Variants in TMEM131 observed in about 807,000 individuals in gnomAD.
TMEM131 encodes transmembrane protein 131, also known as 2610524E03Rik.
TMEM131 carries 66 observed loss-of-function variants against 211.6 expected under a neutral mutation model. The observed-to-expected ratio is 0.31, with a 90% CI of 0.26 to 0.38. TMEM131 has a LOEUF of 0.38. Ranked by LOEUF, TMEM131 falls within the 10% of genes least tolerant of loss-of-function variation. The probability of loss-of-function intolerance (pLI) is 1.00; values close to 1 mark genes in which losing one functional copy is unlikely to be tolerated. For missense variants in TMEM131, 2,036 were observed against 2,299.3 expected (o/e 0.89, Z 2.34); for synonymous variants, 844 against 841.3 (o/e 1.00, Z -0.06).
At chr2:97,900,724 T>C (rs951786596) in intron 3 of TMEM131, among the ~76,000 whole-genome samples, 2 of 152,146 alleles carry the variant, frequency 1.3e-5, no homozygotes, top group Non-Finnish European at 2.9e-5. Flanking sequence ...CTCTTGTATA[T>C]ATACCTAGTT....
intron 25 of TMEM131, among the ~76,000 whole-genome samples, chr2:97,800,203 A>AT (rs1680962569): frequency 6.6e-6 from 1 of 152,164 alleles, no homozygotes; most frequent in Non-Finnish European, 1.5e-5. Flanking sequence ...GAGACCAAGT[A>AT]TTTTGAGAAC....
intron 3 of TMEM131, among the ~76,000 whole-genome samples, chr2:97,897,089 G>A (rs372954124): frequency 4.6e-5 from 7 of 152,124 alleles, no homozygotes; most frequent in African/African-American, 1.7e-4. Flanking sequence ...TTATGCCATT[G>A]TAAATCACAT....
chr2:97,915,366 G>A (rs1171282655), intron 2 of TMEM131, among the ~76,000 whole-genome samples: 1 of 152,154 alleles, frequency 6.6e-6, no homozygotes, highest in African/African-American at 2.4e-5. Context: ...TGTTGCCCAG[G>A]CTGGAGTGCA....
chr2:97,965,503 C>CA (rs1679018974), intron 1 of TMEM131, among the ~76,000 whole-genome samples: 1 of 152,110 alleles, frequency 6.6e-6, no homozygotes, highest in African/African-American at 2.4e-5. Flanking sequence ...CTGGTTTCTC[C>CA]AACATTTTTA....
At chr2:97,898,677 T>C (rs759010046) in intron 3 of TMEM131, among the ~76,000 whole-genome samples, 8 of 152,188 alleles carry the variant, frequency 5.3e-5, no homozygotes, top group African/African-American at 1.7e-4. Context: ...TAAATGTCTA[T>C]TGTTTAAGCC....
intron 12 of TMEM131, among the ~76,000 whole-genome samples, chr2:97,818,324 G>C (rs1437430045): frequency 6.6e-6 from 1 of 151,862 alleles, no homozygotes; most frequent in African/African-American, 2.4e-5. Context: ...GTGTAAAAAG[G>C]CTAGCCCAGA....
intron 4 of TMEM131, among the ~76,000 whole-genome samples, chr2:97,875,595 G>A (rs1250024088): frequency 6.6e-6 from 1 of 152,172 alleles, no homozygotes; most frequent in African/African-American, 2.4e-5. Context: ...CATGGAAGTT[G>A]AACAACCTGC....
At chr2:97,925,195 A>C (rs1403955554) in intron 2 of TMEM131, among the ~76,000 whole-genome samples, 1 of 152,160 alleles carries the variant, frequency 6.6e-6, no homozygotes, top group Non-Finnish European at 1.5e-5. Context: ...TTTTAAAAAG[A>C]AAGTTAGATT....
intron 5 of TMEM131, among the ~76,000 whole-genome samples, chr2:97,856,746 T>C (rs1573467006): frequency 6.6e-6 from 1 of 152,182 alleles, no homozygotes; most frequent in African/African-American, 2.4e-5. Context: ...AGGTTATTTC[T>C]TCCCCCAAGA....
chr2:97,826,809 T>C (rs1682409399), intron 11 of TMEM131, among the ~76,000 whole-genome samples: 1 of 152,224 alleles, frequency 6.6e-6, no homozygotes, highest in Non-Finnish European at 1.5e-5. Flanking sequence ...TCTGTAACCC[T>C]ATAACACTCC....
intron 17 of TMEM131, among the ~76,000 whole-genome samples, chr2:97,811,501 C>T (rs1681546103): frequency 6.6e-6 from 1 of 152,172 alleles, no homozygotes; most frequent in African/African-American, 2.4e-5. Context: ...GCTCCTCACT[C>T]TTTACCCATG....
At chr2:97,810,856 G>A (rs551374433) in intron 18 of TMEM131, among the ~76,000 whole-genome samples, 14 of 152,292 alleles carry the variant, frequency 9.2e-5, no homozygotes, top group Non-Finnish European at 1.3e-4. Context: ...ATAACCATCT[G>A]TTTAAGCAGG....
At chr2:97,890,211 A>C (rs767461997) in intron 3 of TMEM131, among the ~76,000 whole-genome samples, 2 of 152,192 alleles carry the variant, frequency 1.3e-5, no homozygotes, top group African/African-American at 2.4e-5. Flanking sequence ...ATGATCTGAC[A>C]CATATCATAA....
At chr2:97,898,045 T>C (rs1004344745) in intron 3 of TMEM131, among the ~76,000 whole-genome samples, 1 of 152,174 alleles carries the variant, frequency 6.6e-6, no homozygotes, top group African/African-American at 2.4e-5. Flanking sequence ...AGATCTGTAG[T>C]GATATCCCCT....
At chr2:97,905,527 T>C (rs1676032951) in intron 3 of TMEM131, among the ~76,000 whole-genome samples, 1 of 152,198 alleles carries the variant, frequency 6.6e-6, no homozygotes, top group Admixed American at 6.5e-5. Flanking sequence ...GCTACTACTG[T>C]ACCAGAGGTC....
chr2:97,946,787 G>T (rs1678063526), intron 1 of TMEM131, among the ~76,000 whole-genome samples: 1 of 151,778 alleles, frequency 6.6e-6, no homozygotes, highest in African/African-American at 2.4e-5. Context: ...AAAAACTACA[G>T]ACCAATTTCA....
At chr2:97,928,569 T>A (rs1252129279) in intron 1 of TMEM131, among the ~76,000 whole-genome samples, 1 of 151,808 alleles carries the variant, frequency 6.6e-6, no homozygotes, top group Non-Finnish European at 1.5e-5. Flanking sequence ...TGAATCAACC[T>A]TACTGAAGTG....
At chr2:97,779,699 GACAGTAATAATGTATGGTC>G (rs1230523179) in intron 31 of TMEM131, among the ~76,000 whole-genome samples, 1 of 152,212 alleles carries the variant, frequency 6.6e-6, no homozygotes, top group African/African-American at 2.4e-5. Flanking sequence ...ACCTCCAGGT[GACAGTAATAATGTATGGTC>G]AATTTAGGAA....
At chr2:97,958,650 G>C (rs1008157413) in intron 1 of TMEM131, among the ~76,000 whole-genome samples, 4 of 152,164 alleles carry the variant, frequency 2.6e-5, no homozygotes, top group African/African-American at 9.7e-5. Context: ...GTTACGCCTA[G>C]GGCAAGTGAC....
Sources: gnomAD v4.1 joint callset for allele counts (sites outside exome capture counted in the v4.1 genomes callset) on GRCh38, gnomAD v4.1.1 for gene constraint, MANE v1.5 for transcripts, NCBI Gene and HGNC (gene_info 2026-07-23, HGNC 2026-07-21) for gene names.